TRANK1: variants seen among roughly 807,000 people sequenced by gnomAD.
TRANK1 encodes TPR and ankyrin repeat-containing protein 1.
A neutral mutation model predicts 266.0 loss-of-function variants in TRANK1; 198 were observed. The observed-to-expected ratio is 0.74, with a 90% CI of 0.66 to 0.84. The LOEUF (loss-of-function observed/expected upper bound fraction) is 0.84, where lower values mean the gene tolerates loss of function less well. TRANK1 is among the 40% of genes least tolerant of loss of function. TRANK1 has a pLI of 0.00. For synonymous variants in TRANK1, 1,396 were observed against 1,384.1 expected (o/e 1.01, Z -0.19); for missense variants, 3,326 against 3,634.6 (o/e 0.92, Z 2.18).
intron 9 of TRANK1, among the ~76,000 whole-genome samples, 175 bp from the exon 10 acceptor site, chr3:36,864,655 A>G (rs2079188981): frequency 6.6e-6 from 1 of 152,136 alleles, no homozygotes; most frequent in African/African-American, 2.4e-5. Context: ...CTGATTCTGG[A>G]CTAGCTTCAT....
Position 36,895,667 on chromosome 3 carries a change from T to G in TRANK1, c.525A>C (p.Glu175Asp). ...FPTEVWQSVI[E>D]KLAKKGLWHS... ...GCCATAATCCTTTCTTTGCCAACTT[T>G]TCTATTACAGATTGCCACACTTCTG... Residue 175 changes from glutamate to aspartate, a missense_variant, in exon 5 of 24, where the codon GAA becomes GAC. Coordinates refer to ENST00000645898, the MANE Select transcript of TRANK1 (RefSeq NM_001329998.2). 2 of 1,536,156 alleles carry G rather than the reference T, an allele frequency of 1.3e-6. No individual in the cohort carries two copies. Among genetic ancestry groups the G allele is most frequent in the Non-Finnish European group, 1.7e-6 (2 of 1,146,554 alleles).
In TRANK1 at chr3:36,846,377, A is replaced by T; in HGVS notation, c.5062T>A (p.Tyr1688Asn). The change falls in exon 17 of 24, where the codon TAC (tyrosine) becomes AAC (asparagine). Residue 1688 changes from tyrosine (Y) to asparagine (N), a missense_variant. Physicochemically the swap from Tyr to Asn is moderately radical, Grantham distance 143. Coordinates refer to ENST00000645898, the MANE Select transcript of TRANK1 (RefSeq NM_001329998.2). ...KLLNGELKQLYTAITRARVNL... is the reference protein window; with the variant it reads ...KLLNGELKQLNTAITRARVNL... Reference sequence around the variant, plus strand: ...ACCCGAGCCCGTGTGATGGCGGTGTACAGCTGCTTCAGCTCTCCGTTGAGG... The same window carrying T: ...ACCCGAGCCCGTGTGATGGCGGTGTTCAGCTGCTTCAGCTCTCCGTTGAGG... 1 of 1,613,586 alleles carries T rather than the reference A, an allele frequency of 6.2e-7. No homozygotes were observed. The highest frequency in any genetic ancestry group is 8.5e-7 in the Non-Finnish European group (1 of 1,179,688).
chr3:36,855,641 G>C lies in TRANK1; in HGVS notation c.4081C>G (p.Leu1361Val). 6.2e-7 allele frequency: 1 copy of C among 1,613,864 alleles called. No homozygotes were observed. The highest frequency in any genetic ancestry group is 8.5e-7 in the Non-Finnish European group (1 of 1,179,872). ...GTGAGTCTCCCATGGGGACAGCTGA[G>C]GGCCTCAAAAGAACCCTTTAGAAAA... ...KSFLKGSFEA[L>V]SCPHGRLTEE... The change falls in exon 13 of 24, where the codon CTC becomes GTC. Residue 1361 changes from leucine (L) to valine (V), a missense_variant. Transcript: ENST00000645898.
chr3:36,865,023 G>GGTT lies in TRANK1; in HGVS notation c.1079-546_1079-544dup, dbSNP rs547148239. ...TTTTTGGGGGTTTTTTTGTTTTTTT[G>GGTT]GTTTTTTTTTTTTTTTTTTTTTGAG... is the stretch of plus-strand genomic sequence containing the variant. On this transcript the variant is annotated intron_variant, in intron 9 of 23. Transcript: ENST00000645898. Among the ~76,000 whole-genome samples the GGTT allele has an allele frequency of 3.8e-4, 48 of 126,310 alleles. 1 individual carries two copies. Among genetic ancestry groups the GGTT allele is most frequent in the East Asian group, 2.4e-3 (7 of 2,952 alleles). 82.9% of individuals were successfully genotyped at this position (126,310 alleles called of 152,430 possible). A position where few individuals can be genotyped will look rare whatever the true frequency, so the allele number is the denominator to read the frequency against.
At chr3:36,876,370 G>A (rs1170850271) in intron 8 of TRANK1, among the ~76,000 whole-genome samples, 2 of 152,210 alleles carry the variant, frequency 1.3e-5, no homozygotes, top group Non-Finnish European at 2.9e-5. Flanking sequence ...CTAAATCCTG[G>A]CCAGGGCCTT....
intron 3 of TRANK1, among the ~76,000 whole-genome samples, chr3:36,902,894 C>T (rs1575291186): frequency 6.6e-6 from 1 of 152,236 alleles, no homozygotes; most frequent in East Asian, 1.9e-4. Flanking sequence ...ACTAGGCGAT[C>T]CTTGTTTTTA....
At chr3:36,917,785 G>A (rs369315579) in intron 1 of TRANK1, among the ~76,000 whole-genome samples, 7 of 152,252 alleles carry the variant, frequency 4.6e-5, no homozygotes, top group African/African-American at 1.7e-4. Flanking sequence ...ATATTGGGGA[G>A]TAAAAATGTT....
chr3:36,832,906 A>G lies in TRANK1; in HGVS notation c.6677T>C (p.Met2226Thr), dbSNP rs1559413707. Residue 2226 changes from methionine to threonine, a missense_variant, in exon 22 of 24, where the codon ATG becomes ACG. Transcript: ENST00000645898. ...CEAKCLVQSK[M>T]NLVAINGLLL... ...CAACCCGTTGATTGCCACCAAGTTCATTTTCGACTGAACTAAACACTTGGC... is the reference window on the plus strand; with the variant it reads ...CAACCCGTTGATTGCCACCAAGTTCGTTTTCGACTGAACTAAACACTTGGC... 1 of 1,613,726 alleles carries G rather than the reference A, an allele frequency of 6.2e-7. No individual in the cohort carries two copies. The highest frequency in any genetic ancestry group is 2.2e-5 in the East Asian group (1 of 44,878).
At chr3:36,877,905 A>G (rs2079412883) in intron 8 of TRANK1, among the ~76,000 whole-genome samples, 1 of 152,248 alleles carries the variant, frequency 6.6e-6, no homozygotes, top group African/African-American at 2.4e-5. Flanking sequence ...CATTCTGATT[A>G]ATACAAAGTT....
intron 17 of TRANK1, among the ~76,000 whole-genome samples, chr3:36,845,217 C>T (rs1032592150): frequency 2.6e-5 from 4 of 152,174 alleles, no homozygotes; most frequent in Admixed American, 6.5e-5. Context: ...AATTTATATG[C>T]ATGCTATCTC....
chr3:36,846,659 C>G (rs2078918797), intron 16 of TRANK1, among the ~76,000 whole-genome samples: 1 of 152,080 alleles, frequency 6.6e-6, no homozygotes. Flanking sequence ...ATAGGATGAC[C>G]TTTGAATCAG....
intron 9 of TRANK1, among the ~76,000 whole-genome samples, chr3:36,865,181 C>T (rs1165437703): frequency 6.6e-6 from 1 of 151,900 alleles, no homozygotes; most frequent in African/African-American, 2.4e-5. Context: ...GCACTTGCCA[C>T]CGCGCCTGGC....
At position 36,856,819 on chromosome 3, in the gene TRANK1, C is replaced by T. The variant is rs2079062015; in HGVS notation, c.2903G>A (p.Cys968Tyr). The part of the protein sequence containing the change: ...ICNAYNRGLS[C>Y]VLRKKLKGIN... Reference sequence around the variant, plus strand: ...ACCTTTCAGCTTCTTCCGCAGGACACAGGACAAGCCCCGGTTGTAGGCATT... The same window carrying T: ...ACCTTTCAGCTTCTTCCGCAGGACATAGGACAAGCCCCGGTTGTAGGCATT... The change falls in exon 13 of 24, where the codon TGT becomes TAT. Residue 968 changes from cysteine (C) to tyrosine (Y), a missense_variant. By Grantham distance (194) the Cys-to-Tyr change is radical. Coordinates refer to ENST00000645898, the MANE Select transcript of TRANK1 (RefSeq NM_001329998.2). 1 of 1,613,896 alleles carries T rather than the reference C, an allele frequency of 6.2e-7. No homozygotes were observed. Among genetic ancestry groups the T allele is most frequent in the African/African-American group, 1.3e-5 (1 of 74,928 alleles).
chr3:36,865,140 G>T (rs1322062567), intron 9 of TRANK1, among the ~76,000 whole-genome samples: 1 of 144,216 alleles, frequency 6.9e-6, no homozygotes, highest in Admixed American at 7.4e-5. Context: ...CAATTCTCCT[G>T]CCTCTGCCTC....
At chr3:36,905,482 T>C (rs1274813970) in intron 2 of TRANK1, among the ~76,000 whole-genome samples, 2 of 152,202 alleles carry the variant, frequency 1.3e-5, no homozygotes, top group Non-Finnish European at 2.9e-5. Context: ...GGCAACCATC[T>C]ACAAGCCAGG....
intron 3 of TRANK1, 25 bp from the exon 4 acceptor site, chr3:36,899,284 T>C (rs746445366): frequency 2.0e-6 from 3 of 1,533,062 alleles, no homozygotes; most frequent in Non-Finnish European, 2.6e-6. Flanking sequence ...AAAGCAAAAC[T>C]GTCATGTACC....
chr3:36,870,157 C>T (rs1291679072), intron 9 of TRANK1, among the ~76,000 whole-genome samples: 2 of 152,236 alleles, frequency 1.3e-5, no homozygotes, highest in Non-Finnish European at 2.9e-5. Flanking sequence ...CCTATAATCA[C>T]AGCACTTTAG....
intron 1 of TRANK1, 43 bp downstream of exon 1, chr3:36,944,744 G>T: frequency 1.3e-6 from 2 of 1,499,924 alleles, no homozygotes; most frequent in Non-Finnish European, 8.8e-7. Context: ...TGGCGGGCCC[G>T]GAAGGCCAGA....
At chr3:36,912,870 ACTTTTTT>A (rs147270945) in intron 1 of TRANK1, among the ~76,000 whole-genome samples, 56,606 of 151,596 alleles carry the variant, frequency 0.37, 11,032 homozygotes, top group Non-Finnish European at 0.44. Context: ...AAATTTGTTT[ACTTTTTT>A]ATTTTATTTT....
Sources: allele counts gnomAD v4.1 joint callset (sites outside exome capture counted in the v4.1 genomes callset), GRCh38; gene constraint gnomAD v4.1.1; transcripts MANE v1.5; gene names NCBI Gene and HGNC (gene_info 2026-07-23, HGNC 2026-07-21).